The following POMP variants were observed in gnomAD, a reference collection of about 807,000 sequenced individuals.
POMP encodes the protein 2510048O06Rik.
POMP carries 12 observed loss-of-function variants against 20.6 expected under a neutral mutation model. The observed-to-expected ratio is 0.58, with a 90% confidence interval of 0.37 to 0.94. The LOEUF (loss-of-function observed/expected upper bound fraction) is 0.94, where lower values mean the gene tolerates loss of function less well. Ranked by LOEUF, POMP falls within the 40% of genes least tolerant of loss-of-function variation. The pLI is 0.01. For synonymous variants in POMP, 53 were observed against 55.0 expected, an observed-to-expected ratio of 0.96 and a Z score of 0.16; for missense variants, 136 against 161.1, an observed-to-expected ratio of 0.84 and a Z score of 0.84.
chr13:28,676,054 G>C (rs1884622192), intron 5 of POMP, among the ~76,000 whole-genome samples: 1 of 152,028 alleles, frequency 6.6e-6, no homozygotes, highest in African/African-American at 2.4e-5. Flanking sequence ...ACCCAGGCTG[G>C]AGTGCAGTGG....
chr13:28,670,410 T>A (rs554298765), intron 4 of POMP, among the ~76,000 whole-genome samples: 1 of 152,310 alleles, frequency 6.6e-6, no homozygotes, highest in South Asian at 2.1e-4. Context: ...CCACCATTGC[T>A]ACTATGCTGG....
intron 2 of POMP, among the ~76,000 whole-genome samples, chr13:28,663,638 C>T (rs1300425872): frequency 1.3e-5 from 2 of 152,192 alleles, no homozygotes; most frequent in Admixed American, 1.3e-4. Context: ...AATAGAATGG[C>T]ATTCTAATGC....
intron 5 of POMP, among the ~76,000 whole-genome samples, chr13:28,676,680 G>C (rs1884634160): frequency 6.6e-6 from 1 of 152,100 alleles, no homozygotes; most frequent in Admixed American, 6.5e-5. Context: ...TTTTTTGCCT[G>C]CTTATCAGTG....
At chr13:28,660,446 C>G (rs752985799) in intron 1 of POMP, among the ~76,000 whole-genome samples, 1 of 152,164 alleles carries the variant, frequency 6.6e-6, no homozygotes, top group Non-Finnish European at 1.5e-5. Context: ...TGTAAGTGTT[C>G]TGAGCACATT....
chr13:28,659,440 C>G (rs561309385), intron 1 of POMP, among the ~76,000 whole-genome samples: 1 of 152,330 alleles, frequency 6.6e-6, no homozygotes, highest in South Asian at 2.1e-4. Context: ...TTGCGCCCTT[C>G]CATCCCTTAG....
intron 5 of POMP, among the ~76,000 whole-genome samples, chr13:28,676,233 T>C (rs61951871): frequency 6.6e-6 from 1 of 152,094 alleles, no homozygotes; most frequent in African/African-American, 2.4e-5. Context: ...CTCGATCTCC[T>C]GACCTCGTGA....
intron 5 of POMP, among the ~76,000 whole-genome samples, chr13:28,677,442 T>C (rs965856363): frequency 1.8e-4 from 28 of 152,220 alleles, no homozygotes; most frequent in Non-Finnish European, 3.8e-4. Context: ...AAAGTCTCTG[T>C]CTTTAGGAAG....
chr13:28,672,354 T>C lies in POMP; in HGVS notation c.280T>C (p.Phe94Leu). ...KAVQQVQRLP[F>L]LSSSNLSLDV... Reference sequence around the variant, plus strand: ...TTCCCCAAAGGTTCAGCGTCTTCCATTTCTTTCAAGCTCAAATCTTTCACT... The same window carrying C: ...TTCCCCAAAGGTTCAGCGTCTTCCACTTCTTTCAAGCTCAAATCTTTCACT... The change falls in exon 5 of 6, where the codon TTT (phenylalanine) becomes CTT (leucine). Residue 94 changes from phenylalanine to leucine, a missense_variant. By Grantham distance (22) the Phe-to-Leu change is conservative. Coordinates refer to ENST00000380842, the MANE Select transcript of POMP (RefSeq NM_015932.6). 6.2e-7 allele frequency: 1 copy of C among 1,609,390 alleles called. No individual in the cohort carries two copies. The highest frequency in any genetic ancestry group is 8.5e-7 in the Non-Finnish European group (1 of 1,175,760).
chr13:28,673,933 T>C (rs933675582), intron 5 of POMP, among the ~76,000 whole-genome samples: 12 of 152,198 alleles, frequency 7.9e-5, no homozygotes, highest in South Asian at 6.2e-4. Flanking sequence ...AACACAAATA[T>C]ACAATTTGAT....
intron 3 of POMP, among the ~76,000 whole-genome samples, chr13:28,664,781 T>G (rs1370093084): frequency 3.3e-5 from 5 of 152,358 alleles, no homozygotes; most frequent in Middle Eastern, 6.8e-3. Flanking sequence ...CTTTTTAATG[T>G]ACGTCTCCAA....
intron 5 of POMP, among the ~76,000 whole-genome samples, chr13:28,672,899 A>T (rs1446628493): frequency 6.6e-6 from 1 of 152,170 alleles, no homozygotes; most frequent in Non-Finnish European, 1.5e-5. Context: ...TTATTTCAGA[A>T]TTCACATTGT....
chr13:28,661,893 T>G (rs1884347770), intron 1 of POMP, among the ~76,000 whole-genome samples: 1 of 152,214 alleles, frequency 6.6e-6, no homozygotes. Context: ...GGATGCTGTC[T>G]TCAACTTTTT....
At position 28,665,832 on chromosome 13, in the gene POMP, T is replaced by C. The variant is rs376957164; in HGVS notation, c.162+1263T>C. ...AGATTGAGGATTACATGGTGGATTA[T>C]TAACCGAGTGAAAGTAGTGTAGGGT... is the stretch of plus-strand genomic sequence containing the variant. On this transcript the variant is annotated intron_variant, in intron 3 of 5. Transcript: ENST00000380842. 2.0e-5 allele frequency among the ~76,000 whole-genome samples: 3 copies of C among 152,232 alleles called. No individual in the cohort carries two copies. The East Asian group carries it at 5.8e-4, about 29-fold the overall frequency.
At chr13:28,664,715 A>G in intron 3 of POMP, 146 bp downstream of exon 3, 1 of 586,946 alleles carries the variant, frequency 1.7e-6, no homozygotes, top group African/African-American at 1.9e-5. Flanking sequence ...CTTGTAGGAT[A>G]GACTTAAAAA....
chr13:28,673,560 T>C (rs928247895), intron 5 of POMP, among the ~76,000 whole-genome samples: 1 of 152,226 alleles, frequency 6.6e-6, no homozygotes, highest in African/African-American at 2.4e-5. Context: ...TTAAGTTTTA[T>C]TAGTTTTGCT....
chr13:28,675,488 T>C (rs1270099599), intron 5 of POMP, among the ~76,000 whole-genome samples: 2 of 152,142 alleles, frequency 1.3e-5, no homozygotes, highest in Non-Finnish European at 2.9e-5. Context: ...GAGACCACTG[T>C]ATTTGGGGTA....
intron 2 of POMP, among the ~76,000 whole-genome samples, chr13:28,664,299 T>C (rs904691164): frequency 6.6e-6 from 1 of 152,168 alleles, no homozygotes; most frequent in Non-Finnish European, 1.5e-5. Flanking sequence ...CATTATTATA[T>C]ATACCTTTTT....
intron 5 of POMP, among the ~76,000 whole-genome samples, chr13:28,675,750 A>G (rs192813470): frequency 1.3e-5 from 2 of 152,278 alleles, no homozygotes; most frequent in Admixed American, 1.3e-4. Context: ...CAGGCTGTAC[A>G]GGAAGCATAG....
chr13:28,678,283 A>G lies in POMP; in HGVS notation c.*181A>G. ...CAGCCATGTGACAATTAAAAGCACTAAAGGGAGATCATGTTAAAGCTCTTA... is the reference window on the plus strand; with the variant it reads ...CAGCCATGTGACAATTAAAAGCACTGAAGGGAGATCATGTTAAAGCTCTTA... On this transcript the variant is annotated 3_prime_UTR_variant, in exon 6 of 6. Coordinates refer to ENST00000380842, the MANE Select transcript of POMP (RefSeq NM_015932.6). 1 of 644,184 alleles carries G rather than the reference A, an allele frequency of 1.6e-6. No homozygotes were observed. The highest frequency in any genetic ancestry group is 2.8e-6 in the Non-Finnish European group (1 of 357,912). The allele number at this position is 644,184 out of a possible 1,614,324, so 39.9% of individuals were successfully genotyped here.
Sources: gnomAD v4.1 joint callset for allele counts (sites outside exome capture counted in the v4.1 genomes callset) on GRCh38, gnomAD v4.1.1 for gene constraint, MANE v1.5 for transcripts, NCBI Gene and HGNC (gene_info 2026-07-23, HGNC 2026-07-21) for gene names.